Variants in NOS1AP observed in about 807,000 individuals in gnomAD.
NOS1AP encodes carboxyl-terminal PDZ ligand of neuronal nitric oxide synthase protein.
NOS1AP carries 21 observed loss-of-function variants against 56.2 expected under a neutral mutation model. The observed-to-expected ratio is 0.37, with a 90% CI of 0.26 to 0.54. The LOEUF (loss-of-function observed/expected upper bound fraction) is 0.54, where lower values mean the gene tolerates loss of function less well. Ranked by LOEUF, NOS1AP falls within the 20% of genes least tolerant of loss-of-function variation. The pLI, the probability that NOS1AP is intolerant of heterozygous loss-of-function variation, is 0.84. For synonymous variants in NOS1AP, 270 were observed against 274.6 expected (o/e 0.98, Z 0.17); for missense variants, 522 against 657.8 (o/e 0.79, Z 2.26).
At chr1:162,252,939 G>A (rs376483989) in intron 2 of NOS1AP, among the ~76,000 whole-genome samples, 2 of 152,176 alleles carry the variant, frequency 1.3e-5, no homozygotes, top group African/African-American at 4.8e-5. Flanking sequence ...GTTCTGTTGG[G>A]CAGTGCTCTT....
At chr1:162,129,143 G>A (rs1648631361) in intron 1 of NOS1AP, among the ~76,000 whole-genome samples, 3 of 152,180 alleles carry the variant, frequency 2.0e-5, no homozygotes, top group Non-Finnish European at 2.9e-5. Context: ...CTTGGTACCT[G>A]TGTTTTCTGT....
At chr1:162,360,944 A>AG (rs748183658) in intron 8 of NOS1AP, 12 of 454,574 alleles carry the variant, frequency 2.6e-5, no homozygotes, top group Non-Finnish European at 4.4e-5. Flanking sequence ...CTGGAGAGTG[A>AG]GGGCGCCAAT....
At chr1:162,186,174 G>A (rs1651424947) in intron 2 of NOS1AP, among the ~76,000 whole-genome samples, 1 of 152,170 alleles carries the variant, frequency 6.6e-6, no homozygotes, top group African/African-American at 2.4e-5. Context: ...ACTCAGTGAA[G>A]CAACATTCTG....
At chr1:162,144,022 C>T (rs1390729534) in intron 1 of NOS1AP, among the ~76,000 whole-genome samples, 2 of 152,240 alleles carry the variant, frequency 1.3e-5, no homozygotes, top group African/African-American at 4.8e-5. Flanking sequence ...CCTTCGGTGT[C>T]ATGGCACCAT....
intron 2 of NOS1AP, among the ~76,000 whole-genome samples, chr1:162,285,198 A>T: frequency 6.6e-6 from 1 of 152,150 alleles, no homozygotes; most frequent in Non-Finnish European, 1.5e-5. Flanking sequence ...TGCATCAGAC[A>T]CACTCTTCTG....
intron 4 of NOS1AP, among the ~76,000 whole-genome samples, chr1:162,326,375 G>T (rs79076222): frequency 1.3e-5 from 2 of 152,134 alleles, no homozygotes; most frequent in African/African-American, 4.8e-5. Flanking sequence ...GGGCATTAGA[G>T]GTAGAATGCT....
At chr1:162,213,315 T>G (rs1453377386) in intron 2 of NOS1AP, among the ~76,000 whole-genome samples, 2 of 152,222 alleles carry the variant, frequency 1.3e-5, no homozygotes, top group Admixed American at 1.3e-4. Flanking sequence ...TCTCCAGTAA[T>G]TAGCCTTTGT....
At chr1:162,293,709 TC>T (rs1655347150) in intron 3 of NOS1AP, among the ~76,000 whole-genome samples, 1 of 152,218 alleles carries the variant, frequency 6.6e-6, no homozygotes, top group African/African-American at 2.4e-5. Context: ...GCAAAGAACT[TC>T]CTGGCAGTGG....
chr1:162,286,067 A>G (rs1655081905), intron 2 of NOS1AP, among the ~76,000 whole-genome samples: 1 of 152,232 alleles, frequency 6.6e-6, no homozygotes, highest in African/African-American at 2.4e-5. Context: ...AGTGAAAAGG[A>G]TAGACTCAGG....
chr1:162,319,261 C>T (rs529743770), intron 4 of NOS1AP, among the ~76,000 whole-genome samples: 1 of 152,312 alleles, frequency 6.6e-6, no homozygotes, highest in East Asian at 1.9e-4. Context: ...GTTCTTCTGA[C>T]AGCAAGCCCC....
intron 1 of NOS1AP, among the ~76,000 whole-genome samples, chr1:162,090,501 A>G (rs576786968): frequency 1.3e-5 from 2 of 152,190 alleles, no homozygotes; most frequent in African/African-American, 4.8e-5. Flanking sequence ...GTTTTCACAG[A>G]CTACTGTTTT....
intron 2 of NOS1AP, among the ~76,000 whole-genome samples, chr1:162,271,113 G>A (rs1486258166): frequency 6.6e-6 from 1 of 152,128 alleles, no homozygotes; most frequent in Non-Finnish European, 1.5e-5. Flanking sequence ...GTTATATAAT[G>A]TTTCAGGAAG....
At chr1:162,325,602 T>TG (rs1656561540) in intron 4 of NOS1AP, among the ~76,000 whole-genome samples, 1 of 152,176 alleles carries the variant, frequency 6.6e-6, no homozygotes. Flanking sequence ...CCAGGAGTCA[T>TG]GCTGGATTTC....
At chr1:162,170,411 T>C (rs1650708002) in intron 2 of NOS1AP, among the ~76,000 whole-genome samples, 1 of 152,214 alleles carries the variant, frequency 6.6e-6, no homozygotes, top group Admixed American at 6.5e-5. Context: ...GCAGCAGAGC[T>C]GGGGGTCCAC....
At chr1:162,139,541 T>C (rs1239104633) in intron 1 of NOS1AP, among the ~76,000 whole-genome samples, 2 of 152,164 alleles carry the variant, frequency 1.3e-5, no homozygotes, top group Non-Finnish European at 2.9e-5. Context: ...GAGGGAGTGT[T>C]GAAAAGGCTT....
intron 2 of NOS1AP, among the ~76,000 whole-genome samples, chr1:162,198,775 C>T (rs867664570): frequency 2.6e-5 from 4 of 152,086 alleles, no homozygotes; most frequent in Non-Finnish European, 5.9e-5. Context: ...GGGAATCAAA[C>T]GGCAGACCAG....
intron 3 of NOS1AP, among the ~76,000 whole-genome samples, chr1:162,292,939 C>T (rs1415748491): frequency 6.6e-6 from 1 of 152,150 alleles, no homozygotes; most frequent in Non-Finnish European, 1.5e-5. Context: ...GTCCCTAGGA[C>T]CCCCAGGTAG....
At chr1:162,306,200 G>A (rs997973226) in intron 4 of NOS1AP, among the ~76,000 whole-genome samples, 1 of 152,206 alleles carries the variant, frequency 6.6e-6, no homozygotes, top group African/African-American at 2.4e-5. Context: ...GAACTGCAAA[G>A]GGGACAGGTG....
At chr1:162,359,230 T>G (rs530139259) in intron 8 of NOS1AP, among the ~76,000 whole-genome samples, 37 of 152,286 alleles carry the variant, frequency 2.4e-4, no homozygotes, top group African/African-American at 8.9e-4. Context: ...TGACTCTCAA[T>G]ACAAGCAGTG....
Sources: gnomAD v4.1 joint callset for allele counts (sites outside exome capture counted in the v4.1 genomes callset) on GRCh38, gnomAD v4.1.1 for gene constraint, MANE v1.5 for transcripts, NCBI Gene and HGNC (gene_info 2026-07-23, HGNC 2026-07-21) for gene names.